Variants in ST6GALNAC3 observed in about 807,000 individuals in gnomAD.
The protein encoded by ST6GALNAC3 is ST6 N-acetylgalactosaminide alpha-2,6-sialyltransferase 3.
In ST6GALNAC3, 25 loss-of-function variants were observed where a neutral mutation model predicts 32.7. That is an observed-to-expected ratio of 0.76 (90% confidence interval 0.56 to 1.07). The LOEUF (loss-of-function observed/expected upper bound fraction) is 1.07, where lower values mean the gene tolerates loss of function less well. Ranked by LOEUF, ST6GALNAC3 falls within the 50% of genes least tolerant of loss-of-function variation. The pLI, the probability that ST6GALNAC3 is intolerant of heterozygous loss-of-function variation, is 0.00. For synonymous variants in ST6GALNAC3, 129 were observed against 133.1 expected, an observed-to-expected ratio of 0.97 and a Z score of 0.21; for missense variants, 355 against 382.4, an observed-to-expected ratio of 0.93 and a Z score of 0.60.
intron 1 of ST6GALNAC3, among the ~76,000 whole-genome samples, chr1:76,127,203 G>C (rs1260740897): frequency 1.3e-5 from 2 of 152,186 alleles, no homozygotes; most frequent in Non-Finnish European, 2.9e-5. Flanking sequence ...AGCCAAAGCA[G>C]CATGGAAAGG....
chr1:76,399,818 T>G (rs1267633304), intron 2 of ST6GALNAC3, among the ~76,000 whole-genome samples: 1 of 152,188 alleles, frequency 6.6e-6, no homozygotes, highest in African/African-American at 2.4e-5. Flanking sequence ...GACTTATTCC[T>G]AGGTATTTAA....
intron 2 of ST6GALNAC3, among the ~76,000 whole-genome samples, chr1:76,333,227 A>G (rs1397690054): frequency 6.6e-6 from 1 of 152,220 alleles, no homozygotes; most frequent in African/African-American, 2.4e-5. Context: ...ATGGGTGAGA[A>G]TGCTGAGCAA....
At chr1:76,202,731 C>T (rs1422834908) in intron 1 of ST6GALNAC3, among the ~76,000 whole-genome samples, 1 of 152,112 alleles carries the variant, frequency 6.6e-6, no homozygotes, top group African/African-American at 2.4e-5. Flanking sequence ...GAAAAATCTG[C>T]CCAGAGTCTT....
chr1:76,602,802 A>G (rs1370655392), intron 3 of ST6GALNAC3, among the ~76,000 whole-genome samples: 2 of 152,068 alleles, frequency 1.3e-5, no homozygotes, highest in African/African-American at 4.8e-5. Context: ...GATAAAAAGC[A>G]AACACACAAG....
chr1:76,212,609 C>A (rs1430720546), intron 1 of ST6GALNAC3, among the ~76,000 whole-genome samples: 1 of 152,156 alleles, frequency 6.6e-6, no homozygotes, highest in Non-Finnish European at 1.5e-5. Flanking sequence ...TAGGAAGCAT[C>A]AGGGCTTATT....
chr1:76,097,735 C>G (rs1048184345), intron 1 of ST6GALNAC3, among the ~76,000 whole-genome samples: 1 of 151,946 alleles, frequency 6.6e-6, no homozygotes, highest in Non-Finnish European at 1.5e-5. Context: ...ATTTATCTAT[C>G]CATTTGGCCA....
At chr1:76,160,077 T>C (rs1651718051) in intron 1 of ST6GALNAC3, among the ~76,000 whole-genome samples, 1 of 152,110 alleles carries the variant, frequency 6.6e-6, no homozygotes, top group African/African-American at 2.4e-5. Flanking sequence ...TTTTCTGAAC[T>C]GATATTCAAG....
intron 3 of ST6GALNAC3, among the ~76,000 whole-genome samples, chr1:76,467,287 G>A (rs868553286): frequency 5.9e-5 from 9 of 151,820 alleles, no homozygotes; most frequent in Non-Finnish European, 1.0e-4. Context: ...GCCATGAACC[G>A]TGAAATGTCC....
intron 3 of ST6GALNAC3, among the ~76,000 whole-genome samples, chr1:76,416,389 T>C (rs752199123): frequency 3.9e-5 from 6 of 152,104 alleles, no homozygotes; most frequent in Admixed American, 6.5e-5. Flanking sequence ...GTAGTTATTT[T>C]CATCATCAAG....
chr1:76,199,934 A>C (rs1654425890), intron 1 of ST6GALNAC3, among the ~76,000 whole-genome samples: 1 of 152,196 alleles, frequency 6.6e-6, no homozygotes, highest in South Asian at 2.1e-4. Flanking sequence ...GTTGAAATTT[A>C]CAGCCATCCC....
chr1:76,277,252 A>G (rs1407847255), intron 1 of ST6GALNAC3, among the ~76,000 whole-genome samples: 1 of 151,586 alleles, frequency 6.6e-6, no homozygotes, highest in Admixed American at 6.6e-5. Flanking sequence ...GTGTATGCCT[A>G]TGTGTGTGTG....
intron 3 of ST6GALNAC3, among the ~76,000 whole-genome samples, chr1:76,466,312 G>A (rs942979715): frequency 4.6e-5 from 7 of 152,002 alleles, no homozygotes; most frequent in Non-Finnish European, 4.4e-5. Flanking sequence ...TTGCTCTTGA[G>A]TGAACCATTT....
At chr1:76,132,192 G>A (rs944343797) in intron 1 of ST6GALNAC3, among the ~76,000 whole-genome samples, 1 of 152,172 alleles carries the variant, frequency 6.6e-6, no homozygotes, top group African/African-American at 2.4e-5. Context: ...GGAGCCTTTG[G>A]CCCTACCCCA....
At chr1:76,223,665 A>ACCTG (rs1270922031) in intron 1 of ST6GALNAC3, among the ~76,000 whole-genome samples, 1 of 152,148 alleles carries the variant, frequency 6.6e-6, no homozygotes, top group Non-Finnish European at 1.5e-5. Flanking sequence ...GTAGTTAAGA[A>ACCTG]CCTGTGTAAT....
At chr1:76,599,461 C>T (rs929007656) in intron 3 of ST6GALNAC3, among the ~76,000 whole-genome samples, 5 of 151,710 alleles carry the variant, frequency 3.3e-5, no homozygotes, top group African/African-American at 9.7e-5. Flanking sequence ...CCCCCACCCT[C>T]CGACAGGCCC....
intron 2 of ST6GALNAC3, among the ~76,000 whole-genome samples, chr1:76,345,153 T>C (rs1321588745): frequency 6.6e-6 from 1 of 152,148 alleles, no homozygotes; most frequent in African/African-American, 2.4e-5. Context: ...AGGTACACCA[T>C]CACCCTGCTT....
At chr1:76,077,564 A>T (rs1646834044) in intron 1 of ST6GALNAC3, among the ~76,000 whole-genome samples, 1 of 152,158 alleles carries the variant, frequency 6.6e-6, no homozygotes, top group African/African-American at 2.4e-5. Context: ...AAGACAAAGG[A>T]AAAAGGGGGT....
At chr1:76,577,327 C>A in intron 3 of ST6GALNAC3, 1 of 986,948 alleles carries the variant, frequency 1.0e-6, no homozygotes, top group Non-Finnish European at 1.2e-6. Context: ...GCCACTGCCT[C>A]TTTCTGCTTG....
chr1:76,388,995 G>C (rs1224146869), intron 2 of ST6GALNAC3, among the ~76,000 whole-genome samples: 22 of 117,164 alleles, frequency 1.9e-4, no homozygotes, highest in Non-Finnish European at 2.9e-4. Flanking sequence ...TGGTGTGGTT[G>C]TTAGTTGGTA....
Sources: gnomAD v4.1 joint callset for allele counts (sites outside exome capture counted in the v4.1 genomes callset) on GRCh38, gnomAD v4.1.1 for gene constraint, MANE v1.5 for transcripts, NCBI Gene and HGNC (gene_info 2026-07-23, HGNC 2026-07-21) for gene names.